Variants in POLR1A observed in about 807,000 individuals in gnomAD.
The protein encoded by POLR1A is DNA-directed RNA polymerase I subunit RPA1.
In POLR1A, 84 loss-of-function variants were observed where a neutral mutation model predicts 205.3. That is an observed-to-expected ratio of 0.41 (90% confidence interval 0.34 to 0.49). The LOEUF (loss-of-function observed/expected upper bound fraction) is 0.49. POLR1A is among the 20% of genes least tolerant of loss of function. The pLI, the probability that POLR1A is intolerant of heterozygous loss-of-function variation, is 0.22. For synonymous variants in POLR1A, 799 were observed against 863.7 expected (o/e 0.93, Z 1.31); for missense variants, 1,645 against 2,204.5 (o/e 0.75, Z 5.08).
At chr2:86,056,604 C>T (rs956104716) in intron 14 of POLR1A, among the ~76,000 whole-genome samples, 5 of 152,128 alleles carry the variant, frequency 3.3e-5, no homozygotes, top group Admixed American at 6.5e-5. Context: ...TCACAGCTAG[C>T]GAGAAGTCTG....
intron 18 of POLR1A, 46 bp from the exon 19 acceptor site, chr2:86,047,309 A>G: frequency 7.8e-7 from 1 of 1,286,000 alleles, no homozygotes; most frequent in Non-Finnish European, 1.1e-6. Flanking sequence ...ACCTTCTTTA[A>G]AAATCCCAGA....
intron 11 of POLR1A, 59 bp from the exon 12 acceptor site, chr2:86,075,319 C>G (rs1365496719): frequency 4.1e-6 from 5 of 1,220,068 alleles, no homozygotes. Context: ...GTCTGATGGA[C>G]CCCAAATCTG....
At chr2:86,055,889 G>A (rs1359554909) in intron 14 of POLR1A, among the ~76,000 whole-genome samples, 3 of 152,192 alleles carry the variant, frequency 2.0e-5, no homozygotes, top group Admixed American at 6.5e-5. Context: ...GGATGTCTAC[G>A]CTTGCCATTT....
rs139593503 is a variant in POLR1A, at chr2:86,065,337, C to T, written c.1995G>A (p.Val665=). The part of the protein sequence containing the change: ...ELVYRGLTDK[V]GRVKLLSPSI... ...AAGGAGAAAGGAGCTTCACGCGCCC[C>T]ACTTTGTCCGTGAGTCCTCGGTACA... is the stretch of plus-strand genomic sequence containing the variant. The change falls in exon 14 of 34, where the codon GTG becomes GTA. Residue 665 remains valine, a synonymous_variant. Coordinates refer to ENST00000263857, the MANE Select transcript of POLR1A (RefSeq NM_015425.6). 35 of 1,614,042 alleles carry T rather than the reference C, an allele frequency of 2.2e-5. No homozygotes were observed. Among genetic ancestry groups the T allele is most frequent in the Non-Finnish European group, 2.7e-5 (32 of 1,180,018 alleles).
chr2:86,078,914 C>A (rs1204566923), intron 9 of POLR1A, among the ~76,000 whole-genome samples: 1 of 152,218 alleles, frequency 6.6e-6, no homozygotes, highest in African/African-American at 2.4e-5. Context: ...CTCTCCCACT[C>A]CCTACCCAGG....
chr2:86,104,177 G>C (rs1190488897), intron 1 of POLR1A, among the ~76,000 whole-genome samples: 1 of 152,184 alleles, frequency 6.6e-6, no homozygotes, highest in Non-Finnish European at 1.5e-5. Context: ...GCAGTGTGGA[G>C]CATGCACTTG....
chr2:86,060,289 G>A (rs1054301966), intron 14 of POLR1A, among the ~76,000 whole-genome samples: 1 of 152,142 alleles, frequency 6.6e-6, no homozygotes, highest in African/African-American at 2.4e-5. Context: ...GTATTTGTGT[G>A]CACAGTGTGA....
intron 3 of POLR1A, among the ~76,000 whole-genome samples, chr2:86,092,452 C>G (rs999374627): frequency 7.2e-5 from 11 of 152,224 alleles, no homozygotes; most frequent in African/African-American, 2.7e-4. Flanking sequence ...TGTGAGGACA[C>G]CTGCTGAAGA....
At chr2:86,063,335 CAAAAAAA>C (rs34298205) in intron 14 of POLR1A, among the ~76,000 whole-genome samples, 3,168 of 41,168 alleles carry the variant, frequency 0.077, 61 homozygotes, top group Middle Eastern at 0.38. Flanking sequence ...AACTCCATCT[CAAAAAAA>C]AAAAAAAAAA....
chr2:86,057,170 C>T (rs1672911597), intron 14 of POLR1A, among the ~76,000 whole-genome samples: 1 of 152,158 alleles, frequency 6.6e-6, no homozygotes, highest in African/African-American at 2.4e-5. Flanking sequence ...TCAGTATTAA[C>T]AGGAGTTTGG....
rs1463107609 is a variant in POLR1A at position 86,048,865 on chromosome 2, C to T, written c.2634+19G>A. 3 of 1,605,560 alleles carry T rather than the reference C, an allele frequency of 1.9e-6. No individual in the cohort carries two copies. The highest frequency in any genetic ancestry group is 8.5e-7 in the Non-Finnish European group (1 of 1,172,348). On this transcript the variant is annotated intron_variant, in intron 18 of 33. Transcript: ENST00000263857. ...GCATTCATAGTGGTGGGGATAAATG[C>T]ATGCAATGCTGGGCTAACCTTGTTA...
intron 4 of POLR1A, 146 bp downstream of exon 4, chr2:86,089,676 G>C: frequency 1.6e-6 from 1 of 613,132 alleles, no homozygotes; most frequent in South Asian, 2.0e-5. Flanking sequence ...TGTAATTTGT[G>C]AGGTTGCAGG....
At position 86,028,042 on chromosome 2, in the gene POLR1A, C is replaced by T. The variant is rs34899463; in HGVS notation, c.4905G>A (p.Ala1635=). ...CCAGGGAGAGATGGCGAGGGTCGAC[C>T]GCGATGCCTGTCAAACGGGAGGTAA... ...IKDVFAVYGI[A]VDPRHLSLVA... The change falls in exon 33 of 34, where the codon GCG becomes GCA. Residue 1635 remains alanine, a synonymous_variant. Transcript: ENST00000263857. The surrounding 1 kb of genome is among the most constrained non-coding windows in gnomAD (Gnocchi z 4.5). 1.7e-3 allele frequency: 2,761 copies of T among 1,614,066 alleles called. 39 individuals carry two copies. The African/African-American group carries it at 0.033, about 19-fold the overall frequency.
intron 16 of POLR1A, 139 bp from the exon 17 acceptor site, chr2:86,049,381 CATT>C (rs746098605): frequency 7.8e-6 from 5 of 642,902 alleles, no homozygotes; most frequent in South Asian, 7.3e-5. Context: ...ATATTAACAT[CATT>C]ATTAACAGAT....
chr2:86,052,833 G>A lies in POLR1A; in HGVS notation c.2376C>T (p.Tyr792=), dbSNP rs769821562. The change falls in exon 16 of 34, where the codon TAC becomes TAT. Residue 792 remains tyrosine (Y), a synonymous_variant. Coordinates refer to ENST00000263857, the MANE Select transcript of POLR1A (RefSeq NM_015425.6). ...GGCACTTACCCAAGGTGAAGCCTCT[G>A]TAGAGCTGCAGGTAGGCGGTGAAGA... ...ARLFTAYLQL[Y]RGFTLGVEDI... is the part of the protein sequence containing the mutation. 6 of 1,576,552 alleles carry A rather than the reference G, an allele frequency of 3.8e-6. No homozygotes were observed. Among genetic ancestry groups the A allele is most frequent in the Non-Finnish European group, 5.2e-6 (6 of 1,160,654 alleles).
At chr2:86,098,580 CT>C in intron 3 of POLR1A, 30 bp downstream of exon 3, 3 of 1,609,086 alleles carry the variant, frequency 1.9e-6, no homozygotes, top group Non-Finnish European at 2.5e-6. Flanking sequence ...TTTGCCTTTT[CT>C]GATTTCTGTG....
At chr2:86,045,096 T>TG (rs1158498186) in intron 21 of POLR1A, among the ~76,000 whole-genome samples, 182 bp downstream of exon 21, 1 of 152,250 alleles carries the variant, frequency 6.6e-6, no homozygotes, top group African/African-American at 2.4e-5. Context: ...TCTGAGCTCA[T>TG]GCTCTACCGA....
intron 27 of POLR1A, 51 bp from the exon 28 acceptor site, chr2:86,033,838 C>T (rs1200586332): frequency 6.2e-7 from 1 of 1,602,392 alleles, no homozygotes; most frequent in African/African-American, 1.3e-5. Context: ...GCATGTCCAG[C>T]CCTACCCTCA....
chr2:86,054,061 C>T, intron 15 of POLR1A, 79 bp downstream of exon 15: 1 of 1,394,724 alleles, frequency 7.2e-7, no homozygotes, highest in African/African-American at 1.4e-5. Context: ...AATGTGCCTC[C>T]ATTTCTGTCT....
Sources: gnomAD v4.1 joint callset for allele counts (sites outside exome capture counted in the v4.1 genomes callset) on GRCh38, gnomAD v4.1.1 for gene constraint, Gnocchi (gnomAD v3.1) non-coding constraint, MANE v1.5 for transcripts, NCBI Gene and HGNC (gene_info 2026-07-23, HGNC 2026-07-21) for gene names.